Variants in TMEM68 observed in about 807,000 individuals in gnomAD.
TMEM68 encodes DGAT1/2-independent enzyme synthesizing storage lipids.
Under a neutral mutation model 36.9 loss-of-function variants are expected in TMEM68, and 25 were observed. The observed-to-expected ratio is 0.68, with a 90% confidence interval of 0.49 to 0.95. The LOEUF is 0.95. Among genes scored for constraint, TMEM68 ranks in the 40% least tolerant of loss-of-function variants. The probability of loss-of-function intolerance (pLI) is 0.00; values close to 1 mark genes in which losing one functional copy is unlikely to be tolerated. For missense variants in TMEM68, 333 were observed against 392.0 expected (o/e 0.85, Z 1.27); for synonymous variants, 131 against 124.4 (o/e 1.05, Z -0.35).
At chr8:55,740,347 T>C (rs1054695910) in intron 7 of TMEM68, 129 bp from the exon 8 acceptor site, 2 of 645,250 alleles carry the variant, frequency 3.1e-6, no homozygotes, top group Non-Finnish European at 5.0e-6. Flanking sequence ...CTCTTTTTTA[T>C]AGAGATGGGG....
intron 7 of TMEM68, among the ~76,000 whole-genome samples, chr8:55,743,249 G>A (rs551198593): frequency 1.3e-5 from 2 of 151,884 alleles, no homozygotes; most frequent in Admixed American, 1.3e-4. Context: ...TCTATCACTG[G>A]CCCCCACCCA....
At chr8:55,765,746 C>T (rs1810944233) in intron 1 of TMEM68, among the ~76,000 whole-genome samples, 1 of 152,194 alleles carries the variant, frequency 6.6e-6, no homozygotes, top group Non-Finnish European at 1.5e-5. Flanking sequence ...AAGACATAGC[C>T]TATCCTTTCA....
Position 55,751,141 on chromosome 8 carries a change from C to A in TMEM68, c.510G>T (p.Leu170=), listed in dbSNP as rs566753187. Residue 170 remains leucine, a synonymous_variant, in exon 5 of 8, where the codon CTG becomes CTT. Transcript: ENST00000434581. ...GTCCATGTAGAGCACAAAACACATC[C>A]AGTAATAAACTAAACCCTGTAAGAA... ...VFKIPGFSLL[L]DVFCALHGPR... The A allele has an allele frequency of 4.4e-6, 7 of 1,604,174 alleles. No individual in the cohort carries two copies. The Admixed American group carries it at 1.1e-4, about 24-fold the overall frequency.
chr8:55,740,332 T>C (rs939113050), intron 7 of TMEM68, 114 bp from the exon 8 acceptor site: 2 of 722,880 alleles, frequency 2.8e-6, no homozygotes, highest in East Asian at 5.6e-5. Flanking sequence ...GAAGCTTATA[T>C]ATTTCTCTTT....
chr8:55,761,645 TTAAGCAA>T (rs1810796702), intron 3 of TMEM68: 1 of 152,264 alleles, frequency 6.6e-6, no homozygotes, highest in South Asian at 2.1e-4. Context: ...TTAATTTATA[TTAAGCAA>T]TTGACAGTGT....
chr8:55,765,209 T>C (rs1306642631), intron 1 of TMEM68, among the ~76,000 whole-genome samples: 1 of 152,252 alleles, frequency 6.6e-6, no homozygotes, highest in Non-Finnish European at 1.5e-5. Context: ...TTTTCCCTAC[T>C]GGACCTAGTT....
At chr8:55,756,669 A>C (rs1810617295) in intron 3 of TMEM68, among the ~76,000 whole-genome samples, 1 of 152,126 alleles carries the variant, frequency 6.6e-6, no homozygotes, top group Non-Finnish European at 1.5e-5. Flanking sequence ...GACACTAAGG[A>C]AGGCACTCAC....
intron 1 of TMEM68, among the ~76,000 whole-genome samples, chr8:55,771,870 T>C (rs900148733): frequency 6.6e-6 from 1 of 152,202 alleles, no homozygotes; most frequent in Non-Finnish European, 1.5e-5. Flanking sequence ...AATTTAGTAT[T>C]TGTCAAGATA....
intron 3 of TMEM68, chr8:55,762,417 G>A (rs192038602): frequency 1.1e-4 from 77 of 725,212 alleles, no homozygotes; most frequent in African/African-American, 4.6e-4. Flanking sequence ...ACAGTGCTGC[G>A]TGGTTCTTTG....
At chr8:55,767,767 G>A (rs1253899273) in intron 1 of TMEM68, among the ~76,000 whole-genome samples, 10 of 151,966 alleles carry the variant, frequency 6.6e-5, no homozygotes, top group Admixed American at 2.0e-4. Context: ...GAGAAACCCC[G>A]TCTCTACCAA....
intron 1 of TMEM68, among the ~76,000 whole-genome samples, chr8:55,770,743 A>G (rs1811129206): frequency 6.6e-6 from 1 of 152,194 alleles, no homozygotes; most frequent in South Asian, 2.1e-4. Context: ...TAGTTCTCAA[A>G]ATTCCAGGTT....
At chr8:55,765,830 T>C (rs1299123948) in intron 1 of TMEM68, among the ~76,000 whole-genome samples, 1 of 152,226 alleles carries the variant, frequency 6.6e-6, no homozygotes, top group African/African-American at 2.4e-5. Context: ...ATACTGGCTT[T>C]ACAATCTTAA....
chr8:55,763,018 T>C lies in TMEM68; in HGVS notation c.-59A>G. On this transcript the variant is annotated 5_prime_UTR_variant, in exon 3 of 8. Transcript: ENST00000434581. ...TTTCTTCATTGCCATAGCAGGTCGC[T>C]AATTTTGACACTAGAAGGGAAAAAT... The C allele has an allele frequency of 5.3e-6, 8 of 1,510,632 alleles. No individual in the cohort carries two copies. In the South Asian group the frequency reaches 1.1e-4, roughly 20 times the overall value. 93.6% of individuals were successfully genotyped at this position (1,510,632 alleles called of 1,614,324 possible).
chr8:55,773,047 T>G (rs902865594), intron 1 of TMEM68: 1 of 152,458 alleles, frequency 6.6e-6, no homozygotes, highest in Admixed American at 6.5e-5. Context: ...AGGGAGGATC[T>G]CCACACCCGG....
At chr8:55,756,549 T>A in intron 3 of TMEM68, 138 bp from the exon 4 acceptor site, 1 of 717,532 alleles carries the variant, frequency 1.4e-6, no homozygotes, top group Non-Finnish European at 2.1e-6. Context: ...CCTTCTTCCC[T>A]CTCTTTCCTC....
At chr8:55,744,934 G>C in intron 6 of TMEM68, 127 bp downstream of exon 6, 1 of 552,338 alleles carries the variant, frequency 1.8e-6, no homozygotes, top group Non-Finnish European at 2.9e-6. Flanking sequence ...ACTTTAAACA[G>C]AAAAACGTCT....
chr8:55,759,794 A>C (rs1810727482), intron 3 of TMEM68, among the ~76,000 whole-genome samples: 1 of 152,194 alleles, frequency 6.6e-6, no homozygotes, highest in African/African-American at 2.4e-5. Flanking sequence ...GAAAAAAACA[A>C]ACATGATTTT....
chr8:55,760,711 GATTAA>G (rs953930775), intron 3 of TMEM68: 13 of 152,280 alleles, frequency 8.5e-5, no homozygotes, highest in African/African-American at 2.9e-4. Context: ...TCACAAAACA[GATTAA>G]ATTAAGTATG....
At chr8:55,743,383 A>C in intron 7 of TMEM68, 98 bp downstream of exon 7, 1 of 1,394,258 alleles carries the variant, frequency 7.2e-7, no homozygotes, top group Non-Finnish European at 9.5e-7. Flanking sequence ...ACTGACCTAG[A>C]CATGCTTGTA....
Sources: allele counts gnomAD v4.1 joint callset (sites outside exome capture counted in the v4.1 genomes callset), GRCh38; gene constraint gnomAD v4.1.1; transcripts MANE v1.5; gene names NCBI Gene and HGNC (gene_info 2026-07-23, HGNC 2026-07-21).